CUL1: variants seen among roughly 807,000 people sequenced by gnomAD.
CUL1 encodes the protein cullin-1.
In CUL1, 24 loss-of-function variants were observed where a neutral mutation model predicts 118.0. That is an observed-to-expected ratio of 0.20 (90% CI 0.15 to 0.29). The LOEUF (loss-of-function observed/expected upper bound fraction) is 0.29, where lower values mean the gene tolerates loss of function less well. Among genes scored for constraint, CUL1 ranks in the 10% least tolerant of loss-of-function variants. The probability of loss-of-function intolerance (pLI) is 1.00; values close to 1 mark genes in which losing one functional copy is unlikely to be tolerated. For synonymous variants in CUL1, 332 were observed against 340.4 expected, an observed-to-expected ratio of 0.98 and a Z score of 0.27; for missense variants, 361 against 933.8, an observed-to-expected ratio of 0.39 and a Z score of 7.99.
At chr7:148,792,406 G>A (rs1428996888) in intron 16 of CUL1, among the ~76,000 whole-genome samples, 2 of 152,124 alleles carry the variant, frequency 1.3e-5, no homozygotes, top group Non-Finnish European at 2.9e-5. Context: ...TACCAGGTGT[G>A]TGTATATGTG....
rs965673346 is a variant in CUL1 at position 148,766,800 on chromosome 7, C to T, written c.952+77C>T. The T allele has an allele frequency of 4.9e-5, 61 of 1,242,074 alleles. 1 individual carries two copies. In the Admixed American group the frequency reaches 1.0e-3, roughly 21 times the overall value. The allele number at this position is 1,242,074 out of a possible 1,614,324, so 76.9% of individuals were successfully genotyped here. ...GATATTGCTTTTGATTCTAGACTCT[C>T]GAGTCAACGGCATTACTTGCCCATG... On this transcript the variant is annotated intron_variant, in intron 8 of 21. Coordinates refer to ENST00000325222, the MANE Select transcript of CUL1 (RefSeq NM_003592.3).
intron 1 of CUL1, among the ~76,000 whole-genome samples, chr7:148,719,316 AAAAAT>A (rs1402744278): frequency 2.6e-5 from 4 of 152,124 alleles, no homozygotes; most frequent in African/African-American, 4.8e-5. Flanking sequence ...GTCAAAAAAA[AAAAAT>A]AAAATAACTT....
At chr7:148,780,431 T>C (rs905859880) in intron 9 of CUL1, among the ~76,000 whole-genome samples, 1 of 152,214 alleles carries the variant, frequency 6.6e-6, no homozygotes, top group Non-Finnish European at 1.5e-5. Context: ...ACGGGTTGTA[T>C]GGATTGAGTG....
chr7:148,735,599 A>G (rs1361495011), intron 2 of CUL1, among the ~76,000 whole-genome samples: 1 of 152,234 alleles, frequency 6.6e-6, no homozygotes, highest in Non-Finnish European at 1.5e-5. Context: ...TAGAATAACC[A>G]TCCATCCCAA....
At chr7:148,708,776 C>G (rs1797964220) in intron 1 of CUL1, among the ~76,000 whole-genome samples, 1 of 152,228 alleles carries the variant, frequency 6.6e-6, no homozygotes, top group South Asian at 2.1e-4. Context: ...TTGTCTCTAT[C>G]TCAGCTCTTC....
At chr7:148,723,458 A>G (rs533880537) in intron 1 of CUL1, among the ~76,000 whole-genome samples, 9 of 152,242 alleles carry the variant, frequency 5.9e-5, no homozygotes, top group Middle Eastern at 3.4e-3. Context: ...TTCCTCTCTG[A>G]TGTTTGCTGT....
chr7:148,700,818 G>A (rs1040051214), intron 1 of CUL1, among the ~76,000 whole-genome samples: 3 of 152,100 alleles, frequency 2.0e-5, no homozygotes, highest in Non-Finnish European at 4.4e-5. Context: ...ATATGCTAGG[G>A]TTTTTCACCA....
chr7:148,700,363 TTTTAAG>T (rs1364021547), intron 1 of CUL1, among the ~76,000 whole-genome samples: 1 of 152,194 alleles, frequency 6.6e-6, no homozygotes, highest in Non-Finnish European at 1.5e-5. Context: ...GTGTGTGCAG[TTTTAAG>T]TTTAACACTT....
rs780985256 is a variant in CUL1 at position 148,783,960 on chromosome 7, G to T, written c.1192-11G>T. 1 of 1,613,818 alleles carries T rather than the reference G, an allele frequency of 6.2e-7. No homozygotes were observed. Among genetic ancestry groups the T allele is most frequent in the African/African-American group, 1.3e-5 (1 of 74,896 alleles). On this transcript the variant is annotated splice_polypyrimidine_tract_variant and intron_variant, in intron 10 of 21. Transcript: ENST00000325222. ...GGGCGTTTGTCTCTAACTATATTCC[G>T]TGTAACGCAGGCTTGTGGTCGCTTC...
intron 1 of CUL1, among the ~76,000 whole-genome samples, chr7:148,726,395 A>T (rs1798583968): frequency 6.6e-6 from 1 of 152,192 alleles, no homozygotes; most frequent in South Asian, 2.1e-4. Context: ...CTTTAAAAAA[A>T]AAAAAGGGCT....
At chr7:148,798,470 C>G in intron 19 of CUL1, 102 bp from the exon 20 acceptor site, 1 of 783,436 alleles carries the variant, frequency 1.3e-6, no homozygotes, top group Non-Finnish European at 2.2e-6. Context: ...TCCCCTCTGT[C>G]TAGGGAAGCA....
At chr7:148,722,740 C>G (rs1386618230) in intron 1 of CUL1, among the ~76,000 whole-genome samples, 1 of 152,254 alleles carries the variant, frequency 6.6e-6, no homozygotes, top group Non-Finnish European at 1.5e-5. Flanking sequence ...CCACCCCAGG[C>G]TTCAGCCTTG....
At chr7:148,698,841 AGG>A (rs1797609149), upstream of CUL1, 1 of 149,344 alleles carries the variant, frequency 6.7e-6, no homozygotes, top group Non-Finnish European at 1.5e-5. Flanking sequence ...CGGCGGCGGG[AGG>A]AGGAGGGCCG....
In CUL1 at chr7:148,752,471, C is replaced by A. The variant is rs182463507; in HGVS notation, c.141-1505C>A. ...TTAAAGTATAGTTCTTTGATTATTA[C>A]CTAGATTGGTTATTTTATTAGGTTT... On this transcript the variant is annotated intron_variant, in intron 2 of 21. Coordinates refer to ENST00000325222, the MANE Select transcript of CUL1 (RefSeq NM_003592.3). Among the ~76,000 whole-genome samples the A allele has an allele frequency of 4.5e-3, 678 of 151,892 alleles. 8 individuals carry two copies. The highest frequency in any genetic ancestry group is 0.015 in the African/African-American group (633 of 41,408).
chr7:148,731,296 A>G (rs1798756043), intron 2 of CUL1, among the ~76,000 whole-genome samples: 1 of 152,198 alleles, frequency 6.6e-6, no homozygotes, highest in African/African-American at 2.4e-5. Context: ...TTGCTGATTC[A>G]ACGGAGCTTC....
intron 1 of CUL1, among the ~76,000 whole-genome samples, chr7:148,699,731 C>T (rs889921149): frequency 6.6e-6 from 1 of 152,080 alleles, no homozygotes. Flanking sequence ...GATGCTAGCC[C>T]GGCGGCCGAA....
At chr7:148,797,883 A>G (rs771217947) in intron 18 of CUL1, 24 bp downstream of exon 18, 2 of 1,611,510 alleles carry the variant, frequency 1.2e-6, no homozygotes, top group African/African-American at 1.3e-5. Flanking sequence ...CTTTTATCTT[A>G]CACTAGAAGA....
chr7:148,730,520 C>T (rs1798726943), intron 2 of CUL1, among the ~76,000 whole-genome samples: 1 of 152,250 alleles, frequency 6.6e-6, no homozygotes, highest in African/African-American at 2.4e-5. Flanking sequence ...TCCTTAGGCA[C>T]ACTAGCTGTG....
chr7:148,706,736 G>A (rs1797897836), intron 1 of CUL1, among the ~76,000 whole-genome samples: 1 of 152,108 alleles, frequency 6.6e-6, no homozygotes, highest in Admixed American at 6.5e-5. Flanking sequence ...GGGCTTTACA[G>A]GTGAAACGTA....
Sources: allele counts gnomAD v4.1 joint callset (sites outside exome capture counted in the v4.1 genomes callset), GRCh38; gene constraint gnomAD v4.1.1; transcripts MANE v1.5; gene names NCBI Gene and HGNC (gene_info 2026-07-23, HGNC 2026-07-21).